The following WWOX variants were observed in gnomAD, a reference collection of about 807,000 sequenced individuals.
WWOX encodes WW domain containing oxidoreductase.
In WWOX, 69 loss-of-function variants were observed where a neutral mutation model predicts 46.2. The observed-to-expected ratio is 1.49, with a 90% confidence interval of 1.23 to 1.82. The LOEUF (loss-of-function observed/expected upper bound fraction) is 1.82. Ranked by LOEUF, WWOX falls within the 40% of genes most tolerant of loss-of-function variation. WWOX has a pLI of 0.00. For synonymous variants in WWOX, 359 were observed against 202.6 expected (o/e 1.77, Z -6.56); for missense variants, 919 against 542.6 (o/e 1.69, Z -6.89).
chr16:79,142,046 T>C (rs1448643355), intron 8 of WWOX, among the ~76,000 whole-genome samples: 1 of 152,166 alleles, frequency 6.6e-6, no homozygotes, highest in South Asian at 2.1e-4. Context: ...TTAAGAGGTA[T>C]ATATCTTACC....
In WWOX at chr16:78,794,358, T is replaced by G. The variant is rs553023938; in HGVS notation, c.1056+361606T>G. On this transcript the variant is annotated intron_variant, in intron 8 of 8. Coordinates refer to ENST00000566780, the MANE Select transcript of WWOX (RefSeq NM_016373.4). ...GGAGTCTCTCTCGGTCTGTTCTGGC[T>G]CAGGAAGCTGCCTTATTTGTAACAA... is the stretch of plus-strand genomic sequence containing the variant. 1.2e-3 allele frequency among the ~76,000 whole-genome samples: 185 copies of G among 152,232 alleles called. No individual in the cohort carries two copies. In the Middle Eastern group the frequency reaches 0.014, roughly 11 times the overall value.
At chr16:78,383,764 G>C (rs1250877280) in intron 5 of WWOX, among the ~76,000 whole-genome samples, 6 of 152,164 alleles carry the variant, frequency 3.9e-5, no homozygotes, top group African/African-American at 1.4e-4. Flanking sequence ...ATTGGTAGCA[G>C]AAATGGGAAA....
intron 8 of WWOX, among the ~76,000 whole-genome samples, chr16:78,636,082 C>G (rs116985911): frequency 0.012 from 1,753 of 152,256 alleles, 23 homozygotes; most frequent in Non-Finnish European, 0.02. Context: ...GACATCTGCA[C>G]TCTAGTAGTG....
chr16:78,599,111 G>A (rs559088155), intron 8 of WWOX, among the ~76,000 whole-genome samples: 1 of 152,126 alleles, frequency 6.6e-6, no homozygotes, highest in African/African-American at 2.4e-5. Flanking sequence ...GCCAGCTCAA[G>A]CTGCTCTCAG....
chr16:78,142,455 T>A (rs181604485), intron 4 of WWOX, among the ~76,000 whole-genome samples: 21 of 152,314 alleles, frequency 1.4e-4, no homozygotes, highest in Admixed American at 1.1e-3. Flanking sequence ...TGCTAGATAC[T>A]CCCTAGTAGC....
intron 8 of WWOX, among the ~76,000 whole-genome samples, chr16:78,541,453 G>T (rs1447492141): frequency 7.1e-5 from 9 of 127,608 alleles, no homozygotes; most frequent in Non-Finnish European, 1.1e-4. Flanking sequence ...CAGCCTGGGC[G>T]ACAGAGCGAG....
At chr16:78,252,826 A>G (rs1380115525) in intron 5 of WWOX, among the ~76,000 whole-genome samples, 1 of 152,166 alleles carries the variant, frequency 6.6e-6, no homozygotes, top group Non-Finnish European at 1.5e-5. Flanking sequence ...CAACATCCTT[A>G]TTTCTCCCTC....
chr16:78,264,179 C>A (rs1597419584), intron 5 of WWOX, among the ~76,000 whole-genome samples: 2 of 151,762 alleles, frequency 1.3e-5, no homozygotes, highest in East Asian at 3.9e-4. Context: ...CAGAGGGCCC[C>A]AGGGACCCAC....
intron 8 of WWOX, among the ~76,000 whole-genome samples, chr16:78,622,838 C>T (rs2046223090): frequency 6.6e-6 from 1 of 152,124 alleles, no homozygotes; most frequent in Non-Finnish European, 1.5e-5. Flanking sequence ...GGGGGATCCT[C>T]CTGGGTGGGC....
intron 8 of WWOX, among the ~76,000 whole-genome samples, chr16:78,464,685 C>T (rs2084031502): frequency 6.6e-6 from 1 of 152,086 alleles, no homozygotes. Flanking sequence ...TCTTACGTTG[C>T]CCCCACCCGT....
At chr16:78,360,483 G>T (rs1395199655) in intron 5 of WWOX, among the ~76,000 whole-genome samples, 1 of 151,030 alleles carries the variant, frequency 6.6e-6, no homozygotes, top group Non-Finnish European at 1.5e-5. Context: ...TACTTGGGAG[G>T]CTGAGACATG....
chr16:78,379,727 T>C (rs892283959), intron 5 of WWOX, among the ~76,000 whole-genome samples: 1 of 152,218 alleles, frequency 6.6e-6, no homozygotes, highest in Non-Finnish European at 1.5e-5. Context: ...AACTCACTGA[T>C]ACCCTCCCAG....
chr16:78,271,426 C>G (rs940508676), intron 5 of WWOX, among the ~76,000 whole-genome samples: 1 of 152,216 alleles, frequency 6.6e-6, no homozygotes, highest in African/African-American at 2.4e-5. Context: ...TGCTTACCTG[C>G]ATCACCTTGC....
At chr16:78,178,496 G>A (rs2035421507) in intron 5 of WWOX, among the ~76,000 whole-genome samples, 1 of 152,094 alleles carries the variant, frequency 6.6e-6, no homozygotes, top group African/African-American at 2.4e-5. Context: ...GTAGTGATGG[G>A]CACTTTAGGA....
chr16:78,815,891 T>C (rs372585448), intron 8 of WWOX, among the ~76,000 whole-genome samples: 3 of 152,134 alleles, frequency 2.0e-5, no homozygotes, highest in African/African-American at 4.8e-5. Context: ...TTCCAAGATA[T>C]ATACAGGGCT....
chr16:78,460,169 C>T (rs2083917132), intron 8 of WWOX, among the ~76,000 whole-genome samples: 1 of 151,454 alleles, frequency 6.6e-6, no homozygotes, highest in African/African-American at 2.4e-5. Context: ...GCTCTTTTCC[C>T]CAGGCTGGAG....
rs548978103 is a variant in WWOX at position 78,145,485 on chromosome 16, G to A, written c.410-18698G>A. Among the ~76,000 whole-genome samples, 25 of 152,238 alleles carry A rather than the reference G, an allele frequency of 1.6e-4. No individual in the cohort carries two copies. In the South Asian group the frequency reaches 3.9e-3, roughly 24 times the overall value. On this transcript the variant is annotated intron_variant, in intron 4 of 8. Coordinates refer to ENST00000566780, the MANE Select transcript of WWOX (RefSeq NM_016373.4). ...CCAGCATGGGAGAAAGATAAAGGCC[G>A]GAAGACTCAGCAAGTGTGTTGTTCC...
chr16:78,849,415 CAAA>C (rs930313816), intron 8 of WWOX, among the ~76,000 whole-genome samples: 1 of 149,850 alleles, frequency 6.7e-6, no homozygotes, highest in East Asian at 2.0e-4. Context: ...ATTAAAAATA[CAAA>C]AAAAAATTAG....
chr16:78,253,660 C>A (rs1005630572), intron 5 of WWOX, among the ~76,000 whole-genome samples: 2 of 152,060 alleles, frequency 1.3e-5, no homozygotes. Flanking sequence ...CCAAAGATAT[C>A]GTAAATATAT....
Sources: gnomAD v4.1 joint callset for allele counts (sites outside exome capture counted in the v4.1 genomes callset) on GRCh38, gnomAD v4.1.1 for gene constraint, MANE v1.5 for transcripts, NCBI Gene and HGNC (gene_info 2026-07-23, HGNC 2026-07-21) for gene names.